ADGRG5: variants seen among roughly 807,000 people sequenced by gnomAD.
ADGRG5 encodes G protein-coupled receptor 114.
A neutral mutation model predicts 53.2 loss-of-function variants in ADGRG5; 37 were observed. That is an observed-to-expected ratio of 0.70 (90% CI 0.53 to 0.91). The LOEUF is 0.91. Ranked by LOEUF, ADGRG5 falls within the 40% of genes least tolerant of loss-of-function variation. ADGRG5 has a pLI of 0.00. For synonymous variants in ADGRG5, 277 were observed against 290.4 expected (o/e 0.95, Z 0.47); for missense variants, 614 against 675.8 (o/e 0.91, Z 1.01).
chr16:57,567,781 G>A lies in ADGRG5; in HGVS notation c.822-75G>A, dbSNP rs2033177666. On this transcript the variant is annotated intron_variant, in intron 8 of 11. Transcript: ENST00000349457. ...TTCGCCTCAGTTTCCCTGTCGGCAT[G>A]CACCTATGCACCCAGTGGGTAGTGC... The A allele has an allele frequency of 5.3e-6, 8 of 1,510,886 alleles. No individual in the cohort carries two copies. In the East Asian group the frequency reaches 1.9e-4, roughly 35 times the overall value. 93.6% of individuals were successfully genotyped at this position (1,510,886 alleles called of 1,614,324 possible).
chr16:57,568,717 A>G (rs1218695664), intron 9 of ADGRG5, among the ~76,000 whole-genome samples: 1 of 148,064 alleles, frequency 6.8e-6, no homozygotes, highest in African/African-American at 2.5e-5. Context: ...CACCTCCTCA[A>G]CCTCCATCAT....
At position 57,556,908 on chromosome 16, in the gene ADGRG5, C is replaced by CTTTTTTTTTTTTTT. The variant is rs35948606; in HGVS notation, c.-38-5142_-38-5129dup. Among the ~76,000 whole-genome samples, 128 of 115,740 alleles carry CTTTTTTTTTTTTTT rather than the reference C, an allele frequency of 1.1e-3. 4 individuals are homozygous for CTTTTTTTTTTTTTT. The highest frequency in any genetic ancestry group is 4.3e-3 in the African/African-American group (119 of 27,422). The allele number at this position is 115,740 out of a possible 152,430, so 75.9% of individuals were successfully genotyped here. ...GAAGAAGTTCTTATTTTGCCTTCTTCTTTTTTTTTTTTTTTTTTTGAGACA... is the reference window on the plus strand; with the variant it reads ...GAAGAAGTTCTTATTTTGCCTTCTTCTTTTTTTTTTTTTTTTTTTTTTTTTTTTTTTTTGAGACA... On this transcript the variant is annotated intron_variant, in intron 1 of 11. Coordinates refer to ENST00000349457, the MANE Select transcript of ADGRG5 (RefSeq NM_001304376.3).
At chr16:57,567,811 TG>T in intron 8 of ADGRG5, 44 bp from the exon 9 acceptor site, 1 of 1,581,096 alleles carries the variant, frequency 6.3e-7, no homozygotes, top group Non-Finnish European at 8.6e-7. Flanking sequence ...TAGTGCTGCC[TG>T]GGTGATGTCC....
intron 1 of ADGRG5, among the ~76,000 whole-genome samples, chr16:57,558,994 C>T (rs2032942160): frequency 2.0e-5 from 3 of 150,400 alleles, no homozygotes; most frequent in Non-Finnish European, 4.4e-5. Context: ...TACAGGTGTA[C>T]ACCACCACAT....
At chr16:57,536,917 C>G in the ADGRG5 span, among the ~76,000 whole-genome samples, 24 of 152,190 alleles carry the variant, frequency 1.6e-4, no homozygotes, top group Non-Finnish European at 3.2e-4. Flanking sequence ...CGGGTCCCAG[C>G]TCGGCACGTG....
chr16:57,534,367 C>T, the ADGRG5 span, among the ~76,000 whole-genome samples: 2 of 152,324 alleles, frequency 1.3e-5, no homozygotes, highest in African/African-American at 4.8e-5. Flanking sequence ...TTTGAGCTGA[C>T]ACTTGCTGCA....
chr16:57,555,580 G>A (rs750581639), intron 1 of ADGRG5, among the ~76,000 whole-genome samples: 1 of 152,118 alleles, frequency 6.6e-6, no homozygotes, highest in African/African-American at 2.4e-5. Context: ...GTGTTGGTTT[G>A]TCAATTTCTC....
chr16:57,536,014 G>T, the ADGRG5 span, among the ~76,000 whole-genome samples: 1 of 152,188 alleles, frequency 6.6e-6, no homozygotes, highest in Admixed American at 6.5e-5. Flanking sequence ...CTAGCGACGG[G>T]CGGAGGGTGG....
the ADGRG5 span, among the ~76,000 whole-genome samples, chr16:57,536,801 C>T: frequency 6.6e-6 from 1 of 152,238 alleles, no homozygotes; most frequent in Non-Finnish European, 1.5e-5. Context: ...CAACGGAGGC[C>T]CCACCCCCGT....
chr16:57,567,493 T>C lies in ADGRG5; in HGVS notation c.723T>C (p.Pro241=). 6.2e-7 allele frequency: 1 copy of C among 1,610,276 alleles called. No individual in the cohort carries two copies. Residue 241 remains proline, a synonymous_variant, in exon 8 of 12, where the codon CCT becomes CCC. Transcript: ENST00000349457. ...AGCAACTCTCCCCAGCCCTGGTCCC[T>C]GCAGAGTTGCTGGCACCTCTTACGT... ...VLMQLSPALV[P]AELLAPLTYI...
chr16:57,564,085 G>T, intron 5 of ADGRG5, 106 bp downstream of exon 5: 1 of 1,254,080 alleles, frequency 8.0e-7, no homozygotes, highest in Non-Finnish European at 1.1e-6. Context: ...CACTGAGTGA[G>T]ACCAACCAGC....
intron 9 of ADGRG5, among the ~76,000 whole-genome samples, chr16:57,569,176 ATCG>A (rs2033252857): frequency 7.8e-6 from 1 of 127,862 alleles, no homozygotes; most frequent in Non-Finnish European, 1.7e-5. Context: ...CTTCATCACC[ATCG>A]TCATCACCTC....
In ADGRG5 at chr16:57,545,156, A is replaced by G. The variant is rs577209360; in HGVS notation, c.-39+2455A>G. Among the ~76,000 whole-genome samples the G allele has an allele frequency of 3.9e-5, 6 of 152,300 alleles. No individual in the cohort carries two copies. In the East Asian group the frequency reaches 1.2e-3, roughly 29 times the overall value. On this transcript the variant is annotated intron_variant, in intron 1 of 11. Transcript: ENST00000349457. ...AGCACAGCCAAATAAATAACCAAAT[A>G]ACCAAATAAATAAGAACCCAGTCCT...
chr16:57,534,092 C>G, the ADGRG5 span, among the ~76,000 whole-genome samples: 1 of 152,292 alleles, frequency 6.6e-6, no homozygotes, highest in African/African-American at 2.4e-5. Context: ...GTCCCAGACT[C>G]CAAAACCCCC....
chr16:57,548,947 C>G (rs12447221), intron 1 of ADGRG5, among the ~76,000 whole-genome samples: 42,253 of 151,968 alleles, frequency 0.28, 6,121 homozygotes, highest in East Asian at 0.46. Flanking sequence ...TTTCATTTCT[C>G]TGGGATAAAA....
At chr16:57,563,649 A>G (rs943956134) in intron 4 of ADGRG5, among the ~76,000 whole-genome samples, 199 bp from the exon 5 acceptor site, 15 of 152,136 alleles carry the variant, frequency 9.9e-5, no homozygotes, top group Non-Finnish European at 1.5e-5. Flanking sequence ...TGGGTCAGGT[A>G]AACATCCAAA....
At chr16:57,553,246 T>TA (rs1204496129) in intron 1 of ADGRG5, among the ~76,000 whole-genome samples, 9 of 152,104 alleles carry the variant, frequency 5.9e-5, no homozygotes, top group South Asian at 2.1e-4. Flanking sequence ...CTTCAATTTG[T>TA]AAAAAAAACC....
intron 1 of ADGRG5, chr16:57,542,926 T>C (rs1304101819): frequency 3.9e-5 from 6 of 152,212 alleles, no homozygotes; most frequent in Non-Finnish European, 7.3e-5. Flanking sequence ...CAATTTAAAT[T>C]AAGAAGTGGT....
At chr16:57,532,430 C>T in the ADGRG5 span, among the ~76,000 whole-genome samples, 12 of 152,174 alleles carry the variant, frequency 7.9e-5, no homozygotes, top group African/African-American at 2.9e-4. Flanking sequence ...CCAGTCTCTC[C>T]GCCTGTGCAG....
Sources: gnomAD v4.1 joint callset for allele counts (sites outside exome capture counted in the v4.1 genomes callset) on GRCh38, gnomAD v4.1.1 for gene constraint, MANE v1.5 for transcripts, NCBI Gene and HGNC (gene_info 2026-07-23, HGNC 2026-07-21) for gene names.